Variants in COMMD7 observed in about 807,000 individuals in gnomAD.
COMMD7 encodes COMM domain containing 7, also known as COMM domain-containing protein 7.
Under a neutral mutation model 34.8 loss-of-function variants are expected in COMMD7, and 28 were observed. The observed-to-expected ratio is 0.80, with a 90% CI of 0.60 to 1.10. The LOEUF (loss-of-function observed/expected upper bound fraction) is 1.10. Among genes scored for constraint, COMMD7 ranks in the 50% least tolerant of loss-of-function variants. COMMD7 has a pLI of 0.00. For synonymous variants in COMMD7, 80 were observed against 86.4 expected, an observed-to-expected ratio of 0.93 and a Z score of 0.41; for missense variants, 211 against 241.6, an observed-to-expected ratio of 0.87 and a Z score of 0.84.
chr20:32,710,058 T>A (rs988832976), intron 3 of COMMD7, among the ~76,000 whole-genome samples: 1 of 151,954 alleles, frequency 6.6e-6, no homozygotes, highest in Admixed American at 6.6e-5. Context: ...TTTAATTTTT[T>A]TTTCTAGAGA....
chr20:32,710,425 C>G (rs1984364139), intron 3 of COMMD7, among the ~76,000 whole-genome samples: 1 of 152,058 alleles, frequency 6.6e-6, no homozygotes, highest in African/African-American at 2.4e-5. Flanking sequence ...AGAATCCTTA[C>G]AATGGATTGC....
Position 32,704,817 on chromosome 20 carries a change from C to T in COMMD7, c.424G>A (p.Gly142Arg), listed in dbSNP as rs1463487693. 6.2e-7 allele frequency: 1 copy of T among 1,612,734 alleles called. No homozygotes were observed. Among genetic ancestry groups the T allele is most frequent in the Non-Finnish European group, 8.5e-7 (1 of 1,178,750 alleles). The change falls in exon 6 of 9, where the codon GGA becomes AGA. Residue 142 changes from glycine (G) to arginine (R), a missense_variant. Gly to Arg is a moderately radical substitution (Grantham distance 125, BLOSUM62 -2). Coordinates refer to ENST00000278980, the MANE Select transcript of COMMD7 (RefSeq NM_053041.3). The part of the protein sequence containing the change: ...NQLIDMEWKF[G>R]VTSGSSELEK... ...AGGACTGGTTGTAACTAGTTACCTC[C>T]AAATTTCCACTCCATATCTATGAGC...
intron 1 of COMMD7, among the ~76,000 whole-genome samples, chr20:32,737,460 G>A (rs1986197912): frequency 6.6e-6 from 1 of 151,160 alleles, no homozygotes; most frequent in Admixed American, 6.6e-5. Context: ...GAGCCTGGGA[G>A]GTCGAGGCTG....
chr20:32,740,583 C>T (rs749997135), intron 1 of COMMD7, among the ~76,000 whole-genome samples: 1 of 151,942 alleles, frequency 6.6e-6, no homozygotes, highest in Non-Finnish European at 1.5e-5. Context: ...CCGCGCCCAG[C>T]CATGTTTGTG....
At chr20:32,727,120 T>TG (rs5841112) in intron 3 of COMMD7, among the ~76,000 whole-genome samples, 103,487 of 150,794 alleles carry the variant, frequency 0.69, 36,218 homozygotes, top group Middle Eastern at 0.82. Flanking sequence ...CCCAGCTACT[T>TG]GGGGGTTGAG....
chr20:32,741,705 T>C (rs1459084054), intron 1 of COMMD7, among the ~76,000 whole-genome samples: 1 of 152,186 alleles, frequency 6.6e-6, no homozygotes, highest in Non-Finnish European at 1.5e-5. Flanking sequence ...TCTTTTATAC[T>C]GTATTTGTAC....
rs114352901 is a variant in COMMD7, at chr20:32,715,221, T to C, written c.242-8461A>G. On this transcript the variant is annotated intron_variant, in intron 3 of 8. Coordinates refer to ENST00000278980, the MANE Select transcript of COMMD7 (RefSeq NM_053041.3). ...ACAGGCAGCCAGGCTAGGTGGCTCA[T>C]GCCTATATCCCAGCACTCTGGGAGG... 8.3e-3 allele frequency among the ~76,000 whole-genome samples: 1,256 copies of C among 151,014 alleles called. 12 individuals carry two copies. Among genetic ancestry groups the C allele is most frequent in the African/African-American group, 0.029 (1,197 of 41,182 alleles).
At chr20:32,705,376 A>ATATATATTTTTT (rs1335467096) in intron 5 of COMMD7, among the ~76,000 whole-genome samples, 3 of 125,458 alleles carry the variant, frequency 2.4e-5, no homozygotes, top group African/African-American at 1.0e-4. Context: ...ATATATATAT[A>ATATATATTTTTT]TTTTTTTTTT....
intron 6 of COMMD7, 103 bp from the exon 7 acceptor site, chr20:32,704,592 C>A: frequency 7.9e-7 from 1 of 1,268,556 alleles, no homozygotes; most frequent in South Asian, 1.4e-5. Context: ...CCAGCAGAAG[C>A]CATGTGGGGG....
At chr20:32,707,028 C>T (rs1984125496) in intron 3 of COMMD7, among the ~76,000 whole-genome samples, 1 of 150,742 alleles carries the variant, frequency 6.6e-6, no homozygotes, top group Non-Finnish European at 1.5e-5. Context: ...AATCCCAGCA[C>T]TTTGGGAGGC....
At chr20:32,742,391 G>A (rs927089520) in intron 1 of COMMD7, 22 of 152,210 alleles carry the variant, frequency 1.4e-4, no homozygotes, top group Non-Finnish European at 3.1e-4. Context: ...GATGAAAGAA[G>A]AGGGGCGCTA....
intron 3 of COMMD7, among the ~76,000 whole-genome samples, chr20:32,709,285 A>C (rs139072760): frequency 0.011 from 1,631 of 151,982 alleles, 34 homozygotes; most frequent in African/African-American, 0.038. Flanking sequence ...AAGTACAAAA[A>C]TTAGCCGGGT....
intron 3 of COMMD7, among the ~76,000 whole-genome samples, chr20:32,723,000 CAGAGCA>C (rs1230180030): frequency 6.7e-6 from 1 of 149,788 alleles, no homozygotes; most frequent in East Asian, 2.0e-4. Flanking sequence ...GCCTGGGTGA[CAGAGCA>C]AGACTCCATC....
chr20:32,735,139 G>A (rs912392958), intron 1 of COMMD7, among the ~76,000 whole-genome samples: 5 of 150,606 alleles, frequency 3.3e-5, no homozygotes, highest in African/African-American at 1.2e-4. Context: ...TTGGGAGGCT[G>A]AGGCAGGAGA....
intron 1 of COMMD7, among the ~76,000 whole-genome samples, chr20:32,729,485 T>C (rs1224332204): frequency 6.6e-6 from 1 of 151,642 alleles, no homozygotes; most frequent in Admixed American, 6.6e-5. Context: ...GGGGCCCTTA[T>C]AAGAAGAGGA....
chr20:32,727,860 C>A (rs764159222), intron 3 of COMMD7, 33 bp downstream of exon 3: 1 of 1,507,838 alleles, frequency 6.6e-7, no homozygotes, highest in Non-Finnish European at 9.2e-7. Context: ...AAGTTAATGT[C>A]TCTGGCCACA....
chr20:32,727,390 AG>A (rs1400066410), intron 3 of COMMD7, among the ~76,000 whole-genome samples: 1 of 151,920 alleles, frequency 6.6e-6, no homozygotes, highest in African/African-American at 2.4e-5. Context: ...TAAAAAAATT[AG>A]CTGGGCGTGG....
intron 5 of COMMD7, among the ~76,000 whole-genome samples, chr20:32,706,357 C>T (rs1984079102): frequency 6.6e-6 from 1 of 151,140 alleles, no homozygotes; most frequent in African/African-American, 2.4e-5. Flanking sequence ...ACTAAAAATA[C>T]AAAAAATTAG....
intron 3 of COMMD7, among the ~76,000 whole-genome samples, chr20:32,718,029 C>G (rs1984907259): frequency 6.6e-6 from 1 of 150,850 alleles, no homozygotes; most frequent in Non-Finnish European, 1.5e-5. Flanking sequence ...GTGGAGGTTG[C>G]AGCGAGCCGA....
Sources: allele counts gnomAD v4.1 joint callset (sites outside exome capture counted in the v4.1 genomes callset), GRCh38; gene constraint gnomAD v4.1.1; transcripts MANE v1.5; gene names NCBI Gene and HGNC (gene_info 2026-07-23, HGNC 2026-07-21).